The following SLC16A9 variants were observed in gnomAD, a reference collection of about 807,000 sequenced individuals.
The protein encoded by SLC16A9 is monocarboxylate transporter 9.
Under a neutral mutation model 44.3 loss-of-function variants are expected in SLC16A9, and 26 were observed. That is an observed-to-expected ratio of 0.59 (90% CI 0.43 to 0.81). SLC16A9 has a LOEUF of 0.81. Ranked by LOEUF, SLC16A9 falls within the 40% of genes least tolerant of loss-of-function variation. The probability of loss-of-function intolerance (pLI) is 0.00; values close to 1 mark genes in which losing one functional copy is unlikely to be tolerated. For synonymous variants in SLC16A9, 230 were observed against 225.1 expected (o/e 1.02, Z -0.19); for missense variants, 559 against 595.8 (o/e 0.94, Z 0.64).
chr10:59,661,553 G>A lies in SLC16A9; in HGVS notation c.436+2674C>T, dbSNP rs148934067. ...CTGATGCATAGGAAGAATCAATATC[G>A]TGAAAATGGCCATACTGCCAAAGGT... is the stretch of plus-strand genomic sequence containing the variant. On this transcript the variant is annotated intron_variant, in intron 4 of 5. Coordinates refer to ENST00000395348, the MANE Select transcript of SLC16A9 (RefSeq NM_194298.3). Among the ~76,000 whole-genome samples, 41 of 152,208 alleles carry A rather than the reference G, an allele frequency of 2.7e-4. No individual in the cohort carries two copies. In the East Asian group the frequency reaches 3.7e-3, roughly 14 times the overall value.
chr10:59,704,284 C>A (rs1004964434), intron 1 of SLC16A9, among the ~76,000 whole-genome samples: 2 of 152,172 alleles, frequency 1.3e-5, no homozygotes, highest in Non-Finnish European at 2.9e-5. Flanking sequence ...ACACCTACTA[C>A]CCAACCACTG....
At chr10:59,662,352 T>A (rs1301588657) in intron 4 of SLC16A9, among the ~76,000 whole-genome samples, 4 of 150,304 alleles carry the variant, frequency 2.7e-5, no homozygotes, top group African/African-American at 4.9e-5. Flanking sequence ...AAAGAAGACA[T>A]CTGGCCAGGC....
chr10:59,666,256 G>A (rs1239480348), intron 3 of SLC16A9, among the ~76,000 whole-genome samples: 3 of 148,042 alleles, frequency 2.0e-5, no homozygotes, highest in Middle Eastern at 3.6e-3. Flanking sequence ...CTGAGATCGC[G>A]CCATTGCACT....
intron 4 of SLC16A9, among the ~76,000 whole-genome samples, chr10:59,662,725 G>C (rs1270116063): frequency 6.7e-6 from 1 of 149,652 alleles, no homozygotes; most frequent in Non-Finnish European, 1.5e-5. Flanking sequence ...CTGGTCATTA[G>C]AGAAATGCAA....
In SLC16A9 at chr10:59,653,978, C is replaced by T. The variant is rs575119240; in HGVS notation, c.1048G>A (p.Gly350Ser). 3.1e-6 allele frequency: 5 copies of T among 1,613,894 alleles called. No homozygotes were observed. In the East Asian group the frequency reaches 8.9e-5, roughly 29 times the overall value. The part of the protein sequence containing the change: ...EFIMPLISII[G>S]IMTAVGKLLL... The stretch of plus-strand genomic sequence containing the variant: ...AGTTTACCAACTGCTGTCATAATGC[C>T]TATAATGGAAATAAGTGGCATAATA... The change falls in exon 5 of 6, where the codon GGC becomes AGC. Residue 350 changes from glycine to serine, a missense_variant. Physicochemically the swap from Gly to Ser is moderately conservative, Grantham distance 56. Coordinates refer to ENST00000395348, the MANE Select transcript of SLC16A9 (RefSeq NM_194298.3).
At chr10:59,700,385 G>A (rs913923736) in intron 1 of SLC16A9, among the ~76,000 whole-genome samples, 5 of 152,076 alleles carry the variant, frequency 3.3e-5, no homozygotes, top group African/African-American at 7.2e-5. Flanking sequence ...AGTTTGCTGC[G>A]GTTTCCCCAG....
Position 59,651,732 on chromosome 10 carries a change from C to T in SLC16A9, c.*1040G>A, listed in dbSNP as rs867470635. ...AATTTCTTATTGCCCTTTTCCATTCCCATATCCCATGCAGACTTAGAGCAT... is the reference window on the plus strand; with the variant it reads ...AATTTCTTATTGCCCTTTTCCATTCTCATATCCCATGCAGACTTAGAGCAT... On this transcript the variant is annotated 3_prime_UTR_variant, in exon 6 of 6. Transcript: ENST00000395348. 6.6e-6 allele frequency: 1 copy of T among 151,138 alleles called. No individual in the cohort carries two copies. Among genetic ancestry groups the T allele is most frequent in the African/African-American group, 2.4e-5 (1 of 41,138 alleles). The allele number at this position is 151,138 out of a possible 1,614,324, so 9.4% of individuals were successfully genotyped here. A position where few individuals can be genotyped will look rare whatever the true frequency, so the allele number is the denominator to read the frequency against.
intron 1 of SLC16A9, among the ~76,000 whole-genome samples, chr10:59,686,713 C>T (rs1466872713): frequency 6.6e-6 from 1 of 152,202 alleles, no homozygotes; most frequent in Non-Finnish European, 1.5e-5. Context: ...CAATGCAATA[C>T]AGTCATATAG....
At chr10:59,653,090 G>T in intron 5 of SLC16A9, 140 bp from the exon 6 acceptor site, 1 of 582,780 alleles carries the variant, frequency 1.7e-6, no homozygotes, top group Non-Finnish European at 2.7e-6. Context: ...TTTACTGGGA[G>T]TTAGAAGAAG....
At chr10:59,669,374 A>G (rs1253683708) in intron 3 of SLC16A9, among the ~76,000 whole-genome samples, 2 of 152,250 alleles carry the variant, frequency 1.3e-5, no homozygotes, top group Non-Finnish European at 2.9e-5. Flanking sequence ...ACTTGCCAAT[A>G]CATAAAGATT....
At chr10:59,680,604 T>C (rs748599605) in intron 2 of SLC16A9, among the ~76,000 whole-genome samples, 5 of 152,186 alleles carry the variant, frequency 3.3e-5, no homozygotes, top group Non-Finnish European at 7.3e-5. Context: ...CAGAGAGTTA[T>C]CAAAAAGTGA....
At chr10:59,659,271 G>A (rs964175297) in intron 4 of SLC16A9, among the ~76,000 whole-genome samples, 2 of 152,114 alleles carry the variant, frequency 1.3e-5, no homozygotes, top group African/African-American at 4.8e-5. Flanking sequence ...TGAGAAACCA[G>A]TACTTTAGAA....
chr10:59,683,067 T>G (rs1256670653), intron 2 of SLC16A9, among the ~76,000 whole-genome samples: 1 of 152,202 alleles, frequency 6.6e-6, no homozygotes, highest in African/African-American at 2.4e-5. Flanking sequence ...AAGGAATGAC[T>G]AATGCATTTT....
At chr10:59,697,962 T>TAAAAAAAAAAAAAA (rs34931109) in intron 1 of SLC16A9, among the ~76,000 whole-genome samples, 1 of 136,104 alleles carries the variant, frequency 7.3e-6, no homozygotes, top group African/African-American at 2.7e-5. Flanking sequence ...GGGCACACAG[T>TAAAAAAAAAAAAAA]AAAAAAAAAA....
intron 1 of SLC16A9, among the ~76,000 whole-genome samples, chr10:59,703,916 G>T (rs1437219265): frequency 6.6e-6 from 1 of 151,906 alleles, no homozygotes; most frequent in Non-Finnish European, 1.5e-5. Flanking sequence ...TAGAGACGGG[G>T]TTTCGCCCTG....
At chr10:59,660,380 C>A (rs188584631) in intron 4 of SLC16A9, among the ~76,000 whole-genome samples, 1 of 152,160 alleles carries the variant, frequency 6.6e-6, no homozygotes, top group Non-Finnish European at 1.5e-5. Flanking sequence ...CACCTCTACA[C>A]AAGTAAACTG....
At chr10:59,668,919 C>T (rs1342031520) in intron 3 of SLC16A9, among the ~76,000 whole-genome samples, 2 of 151,994 alleles carry the variant, frequency 1.3e-5, no homozygotes, top group African/African-American at 4.8e-5. Flanking sequence ...AGCAAATATA[C>T]AGGAAATGCT....
intron 3 of SLC16A9, among the ~76,000 whole-genome samples, chr10:59,665,691 C>G (rs187108470): frequency 6.6e-6 from 1 of 152,096 alleles, no homozygotes; most frequent in Non-Finnish European, 1.5e-5. Flanking sequence ...AAAAGTGTCA[C>G]CCTTAACTAA....
At chr10:59,659,168 T>G (rs1043617192) in intron 4 of SLC16A9, among the ~76,000 whole-genome samples, 6 of 152,186 alleles carry the variant, frequency 3.9e-5, no homozygotes, top group Non-Finnish European at 7.3e-5. Context: ...TATTTTATAT[T>G]TTCCCCCTCA....
Sources: gnomAD v4.1 joint callset for allele counts (sites outside exome capture counted in the v4.1 genomes callset) on GRCh38, gnomAD v4.1.1 for gene constraint, MANE v1.5 for transcripts, NCBI Gene and HGNC (gene_info 2026-07-23, HGNC 2026-07-21) for gene names.